NPEPPS: variants seen among roughly 807,000 people sequenced by gnomAD.
NPEPPS encodes the protein aminopeptidase puromycin sensitive, also known as puromycin-sensitive aminopeptidase.
A neutral mutation model predicts 115.5 loss-of-function variants in NPEPPS; 14 were observed. The observed-to-expected ratio is 0.12, with a 90% CI of 0.08 to 0.19. The LOEUF (loss-of-function observed/expected upper bound fraction) is 0.19. Ranked by LOEUF, NPEPPS falls within the 10% of genes least tolerant of loss-of-function variation. The probability of loss-of-function intolerance (pLI) is 1.00; values close to 1 mark genes in which losing one functional copy is unlikely to be tolerated. For missense variants in NPEPPS, 523 were observed against 1,110.8 expected, an observed-to-expected ratio of 0.47 and a Z score of 7.52; for synonymous variants, 285 against 390.6, an observed-to-expected ratio of 0.73 and a Z score of 3.19.
Position 47,621,956 on chromosome 17 carries a change from C to T in NPEPPS, c.*36C>T, listed in dbSNP as rs1296181686. 5 of 1,573,494 alleles carry T rather than the reference C, an allele frequency of 3.2e-6. No individual in the cohort carries two copies. The highest frequency in any genetic ancestry group is 1.3e-5 in the African/African-American group (1 of 74,162). On this transcript the variant is annotated 3_prime_UTR_variant, in exon 23 of 23. Coordinates refer to ENST00000322157, the MANE Select transcript of NPEPPS (RefSeq NM_006310.4). ...GCCGCCATTGGCGGTTCTGCTGCTT[C>T]GCTGCAGGGATAAGGTGGAGCTACC...
intron 1 of NPEPPS, among the ~76,000 whole-genome samples, chr17:47,532,425 G>A (rs1002908295): frequency 1.3e-5 from 2 of 152,076 alleles, no homozygotes; most frequent in Admixed American, 1.3e-4. Flanking sequence ...GGAGGCTGAG[G>A]CGGGCGCACT....
chr17:47,566,100 GCT>G (rs1241524155), intron 2 of NPEPPS, among the ~76,000 whole-genome samples: 1 of 152,094 alleles, frequency 6.6e-6, no homozygotes, highest in Non-Finnish European at 1.5e-5. Context: ...CTTCAGCAAT[GCT>G]CTTGCCTCAG....
At chr17:47,601,956 A>G in intron 15 of NPEPPS, 1 of 512,982 alleles carries the variant, frequency 1.9e-6, no homozygotes. Context: ...CCAAAGGCAT[A>G]GGACTAAGGA....
Position 47,544,155 on chromosome 17 carries a change from A to C in NPEPPS, c.256-1754A>C, listed in dbSNP as rs556956970. Among the ~76,000 whole-genome samples, 1,200 of 151,924 alleles carry C rather than the reference A, an allele frequency of 7.9e-3. 8 individuals are homozygous for C. Among genetic ancestry groups the C allele is most frequent in the African/African-American group, 0.024 (1,007 of 41,406 alleles). The stretch of plus-strand genomic sequence containing the variant: ...ATGATCCGCCTGCCTCGGCCTCCCA[A>C]AGTGCTGGGATTACAGGCGTGAGCC... On this transcript the variant is annotated intron_variant, in intron 1 of 22. Coordinates refer to ENST00000322157, the MANE Select transcript of NPEPPS (RefSeq NM_006310.4).
At chr17:47,585,740 C>T in intron 6 of NPEPPS, 40 bp downstream of exon 6, 1 of 1,450,258 alleles carries the variant, frequency 6.9e-7, no homozygotes, top group South Asian at 1.1e-5. Context: ...CAGTCCATAA[C>T]TCCAGGTTGG....
At chr17:47,605,707 G>A (rs1321611894) in intron 17 of NPEPPS, among the ~76,000 whole-genome samples, 155 bp downstream of exon 17, 1 of 152,212 alleles carries the variant, frequency 6.6e-6, no homozygotes, top group Non-Finnish European at 1.5e-5. Flanking sequence ...GTCTGCTGGT[G>A]AAGTTACATG....
upstream of NPEPPS, among the ~76,000 whole-genome samples, chr17:47,530,626 G>A (rs1907670638): frequency 6.6e-6 from 1 of 152,082 alleles, no homozygotes; most frequent in Non-Finnish European, 1.5e-5. Flanking sequence ...CGAAGTGCTG[G>A]GATTACAGGC....
chr17:47,541,415 C>T (rs373900100), intron 1 of NPEPPS, among the ~76,000 whole-genome samples: 33 of 150,656 alleles, frequency 2.2e-4, no homozygotes, highest in African/African-American at 6.8e-4. Context: ...TTGCTTTTGT[C>T]GCCCAGGTTG....
At chr17:47,585,320 A>C (rs966627417) in intron 5 of NPEPPS, among the ~76,000 whole-genome samples, 180 bp from the exon 6 acceptor site, 1 of 152,178 alleles carries the variant, frequency 6.6e-6, no homozygotes, top group Non-Finnish European at 1.5e-5. Flanking sequence ...GTGTTTTATC[A>C]GACCACTTTC....
At chr17:47,586,327 T>C (rs1293603770) in intron 7 of NPEPPS, 38 bp from the exon 8 acceptor site, 1 of 1,276,946 alleles carries the variant, frequency 7.8e-7, no homozygotes, top group African/African-American at 1.5e-5. Context: ...TATATATATA[T>C]ATATATATCA....
intron 2 of NPEPPS, among the ~76,000 whole-genome samples, chr17:47,560,298 A>G (rs1196716404): frequency 6.6e-6 from 1 of 152,212 alleles, no homozygotes; most frequent in Non-Finnish European, 1.5e-5. Flanking sequence ...CTGGTCCAGA[A>G]TCCTGAGTGA....
At chr17:47,550,393 T>C (rs997996226) in intron 2 of NPEPPS, among the ~76,000 whole-genome samples, 3 of 148,082 alleles carry the variant, frequency 2.0e-5, no homozygotes, top group Non-Finnish European at 4.5e-5. Context: ...AGTGGCGCAA[T>C]GTCGGCTCAC....
intron 12 of NPEPPS, among the ~76,000 whole-genome samples, chr17:47,593,136 T>A (rs1346853649): frequency 6.6e-6 from 1 of 152,188 alleles, no homozygotes; most frequent in Non-Finnish European, 1.5e-5. Flanking sequence ...TTCAAAACAT[T>A]TCTGGTCCCA....
chr17:47,574,629 C>G (rs1480268638), intron 3 of NPEPPS, among the ~76,000 whole-genome samples: 1 of 152,088 alleles, frequency 6.6e-6, no homozygotes, highest in African/African-American at 2.4e-5. Context: ...GTCTCTCTGT[C>G]ACCCAGGCTG....
intron 1 of NPEPPS, among the ~76,000 whole-genome samples, chr17:47,541,054 A>G (rs1404691815): frequency 1.3e-5 from 2 of 152,172 alleles, no homozygotes; most frequent in African/African-American, 4.8e-5. Context: ...GTTGGAAGGT[A>G]CTTGTAATTG....
chr17:47,599,683 A>T lies in NPEPPS; in HGVS notation c.1544A>T (p.Asp515Val). The change falls in exon 14 of 23, where the codon GAT becomes GTT. Residue 515 changes from aspartate to valine, a missense_variant. This residue lies in a region of NPEPPS where 372 missense variants were observed against 542.6 expected (regional missense o/e 0.69). Transcript: ENST00000322157. ...TTTGTTTTGCTTCTTTAGGTAGAAGATGACAGATTATTGAGGTTGTCCCAA... is the reference window on the plus strand; with the variant it reads ...TTTGTTTTGCTTCTTTAGGTAGAAGTTGACAGATTATTGAGGTTGTCCCAA... ...LIYVEAEQVE[D>V]DRLLRLSQKK... 6.4e-7 allele frequency: 1 copy of T among 1,560,466 alleles called. No individual in the cohort carries two copies. Among genetic ancestry groups the T allele is most frequent in the Non-Finnish European group, 8.7e-7 (1 of 1,150,730 alleles).
chr17:47,555,560 T>G lies in NPEPPS; in HGVS notation c.340+9567T>G, dbSNP rs554202969. On this transcript the variant is annotated intron_variant, in intron 2 of 22. Transcript: ENST00000322157. Reference sequence around the variant, plus strand: ...TGGAGTTTATCCATGTTGGTCAGGCTGGTCTCGAACCTCCGACCACAGGTG... The same window carrying G: ...TGGAGTTTATCCATGTTGGTCAGGCGGGTCTCGAACCTCCGACCACAGGTG... 2.1e-3 allele frequency among the ~76,000 whole-genome samples: 319 copies of G among 151,404 alleles called. 3 individuals are homozygous for G. The highest frequency in any genetic ancestry group is 7.6e-3 in the African/African-American group (315 of 41,396).
At chr17:47,611,456 C>T (rs1232028255) in intron 17 of NPEPPS, among the ~76,000 whole-genome samples, 1 of 115,570 alleles carries the variant, frequency 8.7e-6, no homozygotes, top group Non-Finnish European at 1.9e-5. Flanking sequence ...GAGACCACAT[C>T]TCAAAAAAAA....
upstream of NPEPPS, among the ~76,000 whole-genome samples, chr17:47,527,235 C>T (rs963467665): frequency 8.5e-5 from 13 of 152,310 alleles, no homozygotes; most frequent in African/African-American, 3.1e-4. Context: ...GTAATCCCAG[C>T]ACTTTGGGAG....
Sources: gnomAD v4.1 joint callset for allele counts (sites outside exome capture counted in the v4.1 genomes callset) on GRCh38, gnomAD v4.1.1 for gene constraint, gnomAD v4.1.1 regional missense constraint, MANE v1.5 for transcripts, NCBI Gene and HGNC (gene_info 2026-07-23, HGNC 2026-07-21) for gene names.